SUMF1: variants seen among roughly 807,000 people sequenced by gnomAD.
SUMF1 encodes sulfatase modifying factor 1.
Under a neutral mutation model 47.6 loss-of-function variants are expected in SUMF1, and 48 were observed. That is an observed-to-expected ratio of 1.01 (90% CI 0.80 to 1.28). SUMF1 has a LOEUF of 1.28. SUMF1 is among the 50% of genes most tolerant of loss of function. The pLI is 0.00. For synonymous variants in SUMF1, 230 were observed against 192.1 expected, an observed-to-expected ratio of 1.20 and a Z score of -1.63; for missense variants, 571 against 485.4, an observed-to-expected ratio of 1.18 and a Z score of -1.66.
At chr3:4,370,502 A>G (rs1033781683) in intron 8 of SUMF1, among the ~76,000 whole-genome samples, 2 of 152,208 alleles carry the variant, frequency 1.3e-5, no homozygotes, top group Non-Finnish European at 2.9e-5. Context: ...TATATCAGAA[A>G]CTATTTTAAA....
intron 9 of SUMF1, among the ~76,000 whole-genome samples, chr3:4,056,495 G>T (rs1014357700): frequency 6.6e-6 from 1 of 152,040 alleles, no homozygotes; most frequent in South Asian, 2.1e-4. Context: ...GCCGCATAGT[G>T]AGACTTCATC....
chr3:4,103,770 CT>C lies in SUMF1; in HGVS notation c.1015-35026del, dbSNP rs572905481. 1.4e-3 allele frequency among the ~76,000 whole-genome samples: 206 copies of C among 152,216 alleles called. 1 individual carries two copies. The highest frequency in any genetic ancestry group is 4.4e-3 in the African/African-American group (184 of 41,500). ...ACAAACCACCATGATTACGTCCTCT[CT>C]ACAGATAAGAAAACTGAACAGAGGC... On this transcript the variant is annotated intron_variant and NMD_transcript_variant, in intron 8 of 12. Transcript: ENST00000448413.
At chr3:4,219,576 T>G (rs1696016500) in intron 8 of SUMF1, among the ~76,000 whole-genome samples, 1 of 152,154 alleles carries the variant, frequency 6.6e-6, no homozygotes, top group Admixed American at 6.6e-5. Context: ...CTCTAGATGT[T>G]TTGGACCCAA....
chr3:4,211,103 C>CATATAT (rs3046240), intron 8 of SUMF1, among the ~76,000 whole-genome samples: 2,411 of 91,332 alleles, frequency 0.026, 209 homozygotes, highest in East Asian at 0.16. Context: ...AATAAACTCC[C>CATATAT]ATATATATAT....
chr3:4,101,835 T>G (rs1164362447), intron 8 of SUMF1, among the ~76,000 whole-genome samples: 1 of 152,154 alleles, frequency 6.6e-6, no homozygotes, highest in Non-Finnish European at 1.5e-5. Flanking sequence ...CACACTGCTA[T>G]AAAGAACTAC....
intron 8 of SUMF1, among the ~76,000 whole-genome samples, chr3:4,206,632 T>G (rs1378813258): frequency 2.0e-5 from 3 of 152,126 alleles, no homozygotes; most frequent in Admixed American, 6.6e-5. Flanking sequence ...CTTCAGTGCC[T>G]CCTTCCTCGA....
intron 8 of SUMF1, among the ~76,000 whole-genome samples, chr3:4,142,379 A>C (rs1394074249): frequency 6.6e-6 from 1 of 152,192 alleles, no homozygotes. Context: ...ATTGCTGTAT[A>C]GTCACATGCC....
intron 9 of SUMF1, among the ~76,000 whole-genome samples, chr3:4,045,447 T>C (rs758845881): frequency 6.6e-6 from 1 of 151,794 alleles, no homozygotes; most frequent in African/African-American, 2.4e-5. Context: ...TCTCTTGTTA[T>C]ACCTTGACTG....
rs2079982989 is a variant in SUMF1, at chr3:4,467,269, C to A, written c.-24G>T. On this transcript the variant is annotated 5_prime_UTR_variant, in exon 1 of 9. Transcript: ENST00000272902. Reference sequence around the variant, plus strand: ...ATGTTGTCCCGCGGGCCATGTGACCCGGTTGGTCACGTGGCTGAGCCCTCC... The same window carrying A: ...ATGTTGTCCCGCGGGCCATGTGACCAGGTTGGTCACGTGGCTGAGCCCTCC... 5 of 1,600,022 alleles carry A rather than the reference C, an allele frequency of 3.1e-6. No homozygotes were observed. The highest frequency in any genetic ancestry group is 3.4e-6 in the Non-Finnish European group (4 of 1,174,134).
intron 8 of SUMF1, among the ~76,000 whole-genome samples, chr3:4,354,432 G>T (rs1469829074): frequency 6.7e-6 from 1 of 149,440 alleles, no homozygotes; most frequent in Non-Finnish European, 1.5e-5. Flanking sequence ...TTTTCCATTG[G>T]TATTAAACCT....
intron 8 of SUMF1, among the ~76,000 whole-genome samples, chr3:4,328,129 G>C (rs1373080920): frequency 6.6e-6 from 1 of 152,048 alleles, no homozygotes. Flanking sequence ...GAGGTGGGAG[G>C]ATTGTGTGAG....
chr3:4,175,215 G>C (rs1425446848), intron 8 of SUMF1, among the ~76,000 whole-genome samples: 1 of 152,198 alleles, frequency 6.6e-6, no homozygotes, highest in East Asian at 1.9e-4. Context: ...TCTGAGAATG[G>C]ACAGACTGCC....
intron 8 of SUMF1, among the ~76,000 whole-genome samples, chr3:4,203,544 C>A (rs1042094890): frequency 2.0e-5 from 3 of 151,826 alleles, no homozygotes; most frequent in African/African-American, 7.2e-5. Flanking sequence ...CCATTCAGCC[C>A]TGCAATGTCT....
intron 8 of SUMF1, among the ~76,000 whole-genome samples, chr3:4,165,907 G>A (rs112220688): frequency 9.9e-4 from 140 of 141,024 alleles, no homozygotes; most frequent in African/African-American, 3.6e-3. Flanking sequence ...CCTGGACCCT[G>A]CTGATCAGAA....
intron 7 of SUMF1, among the ~76,000 whole-genome samples, chr3:4,397,633 C>T (rs1010807549): frequency 1.3e-5 from 2 of 152,108 alleles, no homozygotes; most frequent in Non-Finnish European, 2.9e-5. Context: ...TGGATAAGTG[C>T]TAAGTGCCCA....
At chr3:4,325,479 T>G (rs1480546074) in intron 8 of SUMF1, among the ~76,000 whole-genome samples, 2 of 152,144 alleles carry the variant, frequency 1.3e-5, no homozygotes, top group African/African-American at 4.8e-5. Flanking sequence ...CCTGTACTAC[T>G]GAGAAGTCCA....
At chr3:4,192,553 A>G (rs1695342051) in intron 8 of SUMF1, among the ~76,000 whole-genome samples, 1 of 152,136 alleles carries the variant, frequency 6.6e-6, no homozygotes, top group South Asian at 2.1e-4. Context: ...ATTGTATAAT[A>G]AAGAATTTGT....
chr3:4,219,248 T>G (rs1157419627), intron 8 of SUMF1, among the ~76,000 whole-genome samples: 2 of 152,196 alleles, frequency 1.3e-5, no homozygotes, highest in African/African-American at 4.8e-5. Context: ...TTCGACACTT[T>G]CCACATTTCA....
At chr3:4,226,264 C>CT (rs869300368) in intron 8 of SUMF1, among the ~76,000 whole-genome samples, 2,694 of 86,928 alleles carry the variant, frequency 0.031, 57 homozygotes, top group African/African-American at 0.049. Flanking sequence ...TTTTTTGTTT[C>CT]TTTTTTTTTT....
Sources: allele counts gnomAD v4.1 joint callset (sites outside exome capture counted in the v4.1 genomes callset), GRCh38; gene constraint gnomAD v4.1.1; transcripts MANE v1.5; gene names NCBI Gene and HGNC (gene_info 2026-07-23, HGNC 2026-07-21).